The following ADCY8 variants were observed in gnomAD, a reference collection of about 807,000 sequenced individuals.
The protein encoded by ADCY8 is adenylate cyclase type 8.
ADCY8 carries 51 observed loss-of-function variants against 119.7 expected under a neutral mutation model. That is an observed-to-expected ratio of 0.43 (90% CI 0.34 to 0.54). The LOEUF is 0.54. Ranked by LOEUF, ADCY8 falls within the 20% of genes least tolerant of loss-of-function variation. ADCY8 has a pLI of 0.03. For synonymous variants in ADCY8, 665 were observed against 651.0 expected (o/e 1.02, Z -0.33); for missense variants, 1,383 against 1,598.8 (o/e 0.87, Z 2.30).
intron 1 of ADCY8, among the ~76,000 whole-genome samples, chr8:130,991,282 G>A (rs1201235571): frequency 1.3e-5 from 2 of 152,184 alleles, no homozygotes; most frequent in Non-Finnish European, 2.9e-5. Context: ...CTGAGAACAG[G>A]TCACAGCTCA....
chr8:130,894,546 A>G (rs1819317469), intron 7 of ADCY8, among the ~76,000 whole-genome samples: 1 of 152,180 alleles, frequency 6.6e-6, no homozygotes, highest in Admixed American at 6.5e-5. Flanking sequence ...GTGGGAAGAG[A>G]CACTGCCAAA....
intron 9 of ADCY8, among the ~76,000 whole-genome samples, chr8:130,850,221 G>T (rs891330312): frequency 1.3e-5 from 2 of 152,148 alleles, no homozygotes; most frequent in Non-Finnish European, 2.9e-5. Flanking sequence ...ACTGGATTTG[G>T]CATTGGTTTT....
intron 2 of ADCY8, among the ~76,000 whole-genome samples, chr8:130,956,728 C>T (rs1821439190): frequency 6.6e-6 from 1 of 152,194 alleles, no homozygotes; most frequent in African/African-American, 2.4e-5. Flanking sequence ...AATTGAATCA[C>T]AGGGGTAGTT....
rs759015498 is a variant in ADCY8, at chr8:130,803,567, C to T, written c.2914-2995G>A. Among the ~76,000 whole-genome samples, 23 of 152,314 alleles carry T rather than the reference C, an allele frequency of 1.5e-4. No homozygotes were observed. In the South Asian group the frequency reaches 2.7e-3, roughly 18 times the overall value. ...GGTTGATTAATGACTTCCTGACCTT[C>T]GTAGGAAACATGAAACCTTATAAAT... On this transcript the variant is annotated intron_variant, in intron 14 of 17. Coordinates refer to ENST00000286355, the MANE Select transcript of ADCY8 (RefSeq NM_001115.3).
In ADCY8 at chr8:130,943,805, A is replaced by G. The variant is rs1586592803; in HGVS notation, c.1242-343T>C. 1.3e-5 allele frequency among the ~76,000 whole-genome samples: 2 copies of G among 152,306 alleles called. 1 individual carries two copies. The highest frequency in any genetic ancestry group is 4.1e-4 in the South Asian group (2 of 4,826). ...AGATGAAACTTTATGAATTATCTCC[A>G]TATTTTCACAATGAACAGCAATGCA... On this transcript the variant is annotated intron_variant, in intron 3 of 17. Transcript: ENST00000286355.
chr8:130,816,512 G>A (rs186522859), intron 13 of ADCY8, among the ~76,000 whole-genome samples: 42 of 139,418 alleles, frequency 3.0e-4, no homozygotes, highest in Middle Eastern at 8.8e-3. Context: ...TGCAAGCTCC[G>A]CCCCTCGGGT....
At chr8:131,022,095 T>G (rs1823688462) in intron 1 of ADCY8, among the ~76,000 whole-genome samples, 3 of 152,112 alleles carry the variant, frequency 2.0e-5, no homozygotes, top group Non-Finnish European at 2.9e-5. Context: ...ATTCTTTTCT[T>G]TTTCCATTTG....
chr8:130,875,405 A>T (rs1818523472), intron 8 of ADCY8, among the ~76,000 whole-genome samples: 1 of 152,242 alleles, frequency 6.6e-6, no homozygotes. Flanking sequence ...GAAAATGACT[A>T]GGAGATATGT....
At position 131,040,169 on chromosome 8, in the gene ADCY8, C is replaced by T; in HGVS notation, c.165G>A (p.Arg55=). 1 of 1,533,874 alleles carries T rather than the reference C, an allele frequency of 6.5e-7. No homozygotes were observed. Among genetic ancestry groups the T allele is most frequent in the Non-Finnish European group, 8.7e-7 (1 of 1,146,014 alleles). ...ITEQRFIHGH[R]GGSGSGSGGS... is the part of the protein sequence containing the mutation. Reference sequence around the variant, plus strand: ...CTCCACTCCCGCTGCCGCTGCCTCCCCGGTGCCCGTGAATGAAGCGCTGCT... The same window carrying T: ...CTCCACTCCCGCTGCCGCTGCCTCCTCGGTGCCCGTGAATGAAGCGCTGCT... Residue 55 remains arginine (R), a synonymous_variant, in exon 1 of 18, where the codon CGG becomes CGA. Transcript: ENST00000286355.
intron 6 of ADCY8, among the ~76,000 whole-genome samples, chr8:130,904,311 T>G (rs1485409776): frequency 6.6e-6 from 1 of 152,204 alleles, no homozygotes; most frequent in Admixed American, 6.5e-5. Flanking sequence ...AAGCACATCT[T>G]TTGGCTTTTC....
At chr8:130,862,731 C>T (rs1157929671) in intron 9 of ADCY8, among the ~76,000 whole-genome samples, 1 of 152,146 alleles carries the variant, frequency 6.6e-6, no homozygotes, top group Non-Finnish European at 1.5e-5. Flanking sequence ...TTTTAAATGT[C>T]TCTTGAAATC....
At chr8:130,880,297 C>A (rs1389794063) in intron 8 of ADCY8, among the ~76,000 whole-genome samples, 2 of 152,044 alleles carry the variant, frequency 1.3e-5, no homozygotes, top group African/African-American at 4.8e-5. Flanking sequence ...ACAGTGGTTA[C>A]CCTGGGTTGA....
At chr8:130,913,893 G>C (rs1190551513) in intron 5 of ADCY8, among the ~76,000 whole-genome samples, 3 of 152,040 alleles carry the variant, frequency 2.0e-5, no homozygotes, top group Non-Finnish European at 4.4e-5. Context: ...TCACTGACTG[G>C]CAACATGAAC....
intron 1 of ADCY8, among the ~76,000 whole-genome samples, chr8:130,993,327 C>T (rs1822661159): frequency 6.6e-6 from 1 of 152,136 alleles, no homozygotes; most frequent in Non-Finnish European, 1.5e-5. Context: ...AGATAAAAGT[C>T]TATGTAATTA....
At chr8:131,022,651 G>A (rs1456657906) in intron 1 of ADCY8, among the ~76,000 whole-genome samples, 1 of 152,120 alleles carries the variant, frequency 6.6e-6, no homozygotes, top group African/African-American at 2.4e-5. Context: ...GCAAGTGCCG[G>A]CCAGGTAAAA....
chr8:130,963,782 G>GT (rs1430768755), intron 2 of ADCY8, among the ~76,000 whole-genome samples: 5 of 152,142 alleles, frequency 3.3e-5, no homozygotes, highest in Non-Finnish European at 7.4e-5. Context: ...CCCTGGGAAG[G>GT]TTTTAGATAG....
chr8:130,820,833 T>C (rs7000804), intron 13 of ADCY8, among the ~76,000 whole-genome samples: 5,164 of 152,292 alleles, frequency 0.034, 274 homozygotes, highest in African/African-American at 0.12. Context: ...CACAAAATTC[T>C]ACACACAGTA....
In ADCY8 at chr8:130,966,345, C is replaced by T. The variant is rs142198491; in HGVS notation, c.1111-14347G>A. Among the ~76,000 whole-genome samples, 789 of 152,262 alleles carry T rather than the reference C, an allele frequency of 5.2e-3. 3 individuals carry two copies. Among genetic ancestry groups the T allele is most frequent in the Middle Eastern group, 0.01 (3 of 294 alleles). ...GAACTCTGCATGGGTCAAACAATGA[C>T]TCCTGCCTAACGTACATGATTGAGG... On this transcript the variant is annotated intron_variant, in intron 2 of 17. Coordinates refer to ENST00000286355, the MANE Select transcript of ADCY8 (RefSeq NM_001115.3).
chr8:130,824,916 C>T (rs1287074830), intron 12 of ADCY8, among the ~76,000 whole-genome samples: 1 of 152,218 alleles, frequency 6.6e-6, no homozygotes, highest in Non-Finnish European at 1.5e-5. Context: ...AGTTGCCTCC[C>T]AAATAGTCTT....
Sources: allele counts gnomAD v4.1 joint callset (sites outside exome capture counted in the v4.1 genomes callset), GRCh38; gene constraint gnomAD v4.1.1; transcripts MANE v1.5; gene names NCBI Gene and HGNC (gene_info 2026-07-23, HGNC 2026-07-21).